Variants in PFN4 observed in about 807,000 individuals in gnomAD.
PFN4 encodes the protein profilin family member 4.
A neutral mutation model predicts 16.3 loss-of-function variants in PFN4; 10 were observed. The ratio of observed to expected loss-of-function variants is 0.61; its 90% CI spans 0.38 to 1.04. The LOEUF (loss-of-function observed/expected upper bound fraction) is 1.04, where lower values mean the gene tolerates loss of function less well. Among genes scored for constraint, PFN4 ranks in the 50% least tolerant of loss-of-function variants. PFN4 has a pLI of 0.01. For synonymous variants in PFN4, 54 were observed against 56.9 expected (o/e 0.95, Z 0.23); for missense variants, 136 against 153.6 (o/e 0.89, Z 0.61).
chr2:24,115,534 C>T lies in PFN4; in HGVS notation c.*49G>A, dbSNP rs1312231362. On this transcript the variant is annotated 3_prime_UTR_variant, in exon 5 of 5. Transcript: ENST00000313213. ...TAAAATATTTTTTCTTTAGGCTCTT[C>T]AATTTTCTTCTAAAATAATAAAATT... The T allele has an allele frequency of 6.5e-7, 1 of 1,544,572 alleles. No individual in the cohort carries two copies. The highest frequency in any genetic ancestry group is 1.1e-5 in the South Asian group (1 of 87,650).
intron 3 of PFN4, among the ~76,000 whole-genome samples, chr2:24,120,619 G>A (rs1230712551): frequency 1.3e-5 from 2 of 151,990 alleles, no homozygotes; most frequent in African/African-American, 2.4e-5. Flanking sequence ...GCAATGGCAC[G>A]ATCTCGGCTC....
chr2:24,117,067 G>C (rs887605225), intron 4 of PFN4, among the ~76,000 whole-genome samples: 1 of 146,402 alleles, frequency 6.8e-6, no homozygotes, highest in Non-Finnish European at 1.5e-5. Context: ...CCAGGCTGGA[G>C]TGCAGTGGCA....
Position 24,121,210 on chromosome 2 carries a change from C to G in PFN4, c.208G>C (p.Asp70His), listed in dbSNP as rs149321469. 2 of 1,614,076 alleles carry G rather than the reference C, an allele frequency of 1.2e-6. No individual in the cohort carries two copies. Among genetic ancestry groups the G allele is most frequent in the Non-Finnish European group, 1.7e-6 (2 of 1,180,036 alleles). The change falls in exon 3 of 5, where the codon GAT becomes CAT. Residue 70 changes from aspartate to histidine, a missense_variant. Physicochemically the swap from Asp to His is moderately conservative, Grantham distance 81. Transcript: ENST00000313213. ...TCATCTGCCCGGACACATCTGTAAT[C>G]TTTTCCCTTGAAATACAGTCCTTCT... Reference protein sequence around the residue: ...RREGLYFKGKDYRCVRADEYS... With the variant: ...RREGLYFKGKHYRCVRADEYS...
chr2:24,116,777 C>G (rs1665933218), intron 4 of PFN4, among the ~76,000 whole-genome samples: 1 of 151,612 alleles, frequency 6.6e-6, no homozygotes. Flanking sequence ...TCTCTTGAAC[C>G]TGGGAGGCTG....
intron 3 of PFN4, 61 bp from the exon 4 acceptor site, chr2:24,119,743 T>C (rs1190394435): frequency 7.9e-7 from 1 of 1,265,724 alleles, no homozygotes; most frequent in Non-Finnish European, 1.1e-6. Context: ...CCAGTGGTCA[T>C]GCTCCAGCTA....
intron 3 of PFN4, among the ~76,000 whole-genome samples, 177 bp from the exon 4 acceptor site, chr2:24,119,859 C>T (rs1467183730): frequency 2.0e-5 from 3 of 152,350 alleles, no homozygotes; most frequent in Admixed American, 6.5e-5. Flanking sequence ...GGACTGTCCA[C>T]TCTTTTCCAC....
intron 4 of PFN4, among the ~76,000 whole-genome samples, chr2:24,119,118 T>C (rs1666017127): frequency 6.6e-6 from 1 of 152,116 alleles, no homozygotes; most frequent in Non-Finnish European, 1.5e-5. Flanking sequence ...GTAAAATGTC[T>C]CTTTATATAG....
At chr2:24,122,098 G>A (rs1181664576) in intron 2 of PFN4, among the ~76,000 whole-genome samples, 3 of 152,152 alleles carry the variant, frequency 2.0e-5, no homozygotes, top group African/African-American at 7.2e-5. Flanking sequence ...TTGGGAGGCC[G>A]AGGCAGGTGG....
At chr2:24,116,625 C>A (rs946886964) in intron 4 of PFN4, among the ~76,000 whole-genome samples, 6 of 152,040 alleles carry the variant, frequency 3.9e-5, no homozygotes, top group African/African-American at 1.2e-4. Flanking sequence ...GAGGCTGAGG[C>A]GGGCAGATCA....
rs1323430144 is a variant in PFN4 at position 24,122,601 on chromosome 2, A to G, written c.-12-54T>C. Reference sequence around the variant, plus strand: ...TGACTCTGGCTAGCTTTTAAAAGGCATGTGAATACAAATGTCCTTAAGACA... The same window carrying G: ...TGACTCTGGCTAGCTTTTAAAAGGCGTGTGAATACAAATGTCCTTAAGACA... On this transcript the variant is annotated intron_variant, in intron 1 of 4. Transcript: ENST00000313213. 5 of 1,065,378 alleles carry G rather than the reference A, an allele frequency of 4.7e-6. No homozygotes were observed. The East Asian group carries it at 9.5e-5, about 20-fold the overall frequency. 66.0% of individuals were successfully genotyped at this position (1,065,378 alleles called of 1,614,324 possible).
chr2:24,118,423 G>A (rs1303960463), intron 4 of PFN4, among the ~76,000 whole-genome samples: 1 of 152,176 alleles, frequency 6.6e-6, no homozygotes, highest in African/African-American at 2.4e-5. Flanking sequence ...GACTCTGCTA[G>A]GCCGAAGTAA....
chr2:24,116,198 T>G (rs183951040), intron 4 of PFN4, among the ~76,000 whole-genome samples: 190 of 152,132 alleles, frequency 1.2e-3, no homozygotes, highest in African/African-American at 4.4e-3. Context: ...CATGGTGGCA[T>G]GCTCCTGTAG....
Position 24,121,245 on chromosome 2 carries a change from T to C in PFN4, c.173A>G (p.Gln58Arg). Residue 58 changes from glutamine (Q) to arginine (R), a missense_variant, in exon 3 of 5, where the codon CAA becomes CGA. Gln to Arg is a conservative substitution (Grantham distance 43). Coordinates refer to ENST00000313213, the MANE Select transcript of PFN4 (RefSeq NM_199346.3). ...GAAATACAGTCCTTCTCTTCGGGCT[T>C]GCAAAGGGTTCTTGGCAAATCCATT... Reference protein sequence around the residue: ...LVNGFAKNPLQARREGLYFKG... With the variant: ...LVNGFAKNPLRARREGLYFKG... 1 of 1,614,220 alleles carries C rather than the reference T, an allele frequency of 6.2e-7. No individual in the cohort carries two copies. The highest frequency in any genetic ancestry group is 1.1e-5 in the South Asian group (1 of 91,082).
At chr2:24,121,766 G>A (rs933186455) in intron 2 of PFN4, among the ~76,000 whole-genome samples, 2 of 152,108 alleles carry the variant, frequency 1.3e-5, no homozygotes, top group African/African-American at 4.8e-5. Flanking sequence ...CTCTTAGAAA[G>A]AGCCTGGCAC....
rs79017441 is a variant in PFN4, at chr2:24,123,186, G to A, written c.-81C>T. 363 of 152,516 alleles carry A rather than the reference G, an allele frequency of 2.4e-3. No homozygotes were observed. The highest frequency in any genetic ancestry group is 8.4e-3 in the African/African-American group (349 of 41,570). 9.4% of individuals were successfully genotyped at this position (152,516 alleles called of 1,614,324 possible). A position where few individuals can be genotyped will look rare whatever the true frequency, so the allele number is the denominator to read the frequency against. ...TTGGTCCCCGAGCAGGACCCAAGGC[G>A]GGGCAGGGGGTGGTGAGCGGTGAAT... is the stretch of plus-strand genomic sequence containing the variant. On this transcript the variant is annotated 5_prime_UTR_variant, in exon 1 of 5. Coordinates refer to ENST00000313213, the MANE Select transcript of PFN4 (RefSeq NM_199346.3).
In PFN4 at chr2:24,115,267, C is replaced by A; in HGVS notation, c.*316G>T. The A allele has an allele frequency of 1.1e-5, 3 of 283,346 alleles. No individual in the cohort carries two copies. Among genetic ancestry groups the A allele is most frequent in the Non-Finnish European group, 2.0e-5 (3 of 147,674 alleles). 17.6% of individuals were successfully genotyped at this position (283,346 alleles called of 1,614,324 possible). Reference sequence around the variant, plus strand: ...TGGATAAAGAGTGGTGAGAGCCTTGCATTCTTGGCATACTTAGCAAGGTGT... The same window carrying A: ...TGGATAAAGAGTGGTGAGAGCCTTGAATTCTTGGCATACTTAGCAAGGTGT... On this transcript the variant is annotated 3_prime_UTR_variant, in exon 5 of 5. Transcript: ENST00000313213.
chr2:24,122,645 T>C lies in PFN4; in HGVS notation c.-12-98A>G, dbSNP rs1046473470. On this transcript the variant is annotated intron_variant, in intron 1 of 4. Transcript: ENST00000313213. ...TAAGACACTGCAGACAGTTCTAAGA[T>C]CAGCAAGTGTACTTTGAAAAGGTAC... 5 of 738,648 alleles carry C rather than the reference T, an allele frequency of 6.8e-6. No individual in the cohort carries two copies. In the Admixed American group the frequency reaches 9.2e-5, roughly 14 times the overall value. 45.8% of individuals were successfully genotyped at this position (738,648 alleles called of 1,614,324 possible).
chr2:24,116,162 A>G (rs969028912), intron 4 of PFN4, among the ~76,000 whole-genome samples: 6 of 152,022 alleles, frequency 3.9e-5, no homozygotes, highest in Non-Finnish European at 4.4e-5. Context: ...ATTCATCTCT[A>G]CTAAAAATAC....
intron 4 of PFN4, 126 bp downstream of exon 4, chr2:24,119,451 C>T: frequency 1.5e-6 from 1 of 669,084 alleles, no homozygotes; most frequent in East Asian, 2.8e-5. Flanking sequence ...ATGTAAATAA[C>T]CTCAGCATCC....
Sources: gnomAD v4.1 joint callset for allele counts (sites outside exome capture counted in the v4.1 genomes callset) on GRCh38, gnomAD v4.1.1 for gene constraint, MANE v1.5 for transcripts, NCBI Gene and HGNC (gene_info 2026-07-23, HGNC 2026-07-21) for gene names.